Variants in FBXO10 observed in about 807,000 individuals in gnomAD.
FBXO10 encodes the protein F-box protein 10, also known as F-box only protein 10.
FBXO10 carries 39 observed loss-of-function variants against 80.7 expected under a neutral mutation model. The observed-to-expected ratio is 0.48, with a 90% CI of 0.37 to 0.63. The LOEUF is 0.63. Ranked by LOEUF, FBXO10 falls within the 30% of genes least tolerant of loss-of-function variation. FBXO10 has a pLI of 0.00. For missense variants in FBXO10, 1,025 were observed against 1,269.0 expected (o/e 0.81, Z 2.92); for synonymous variants, 449 against 489.6 (o/e 0.92, Z 1.09).
At chr9:37,556,274 C>A (rs1348517413) in intron 1 of FBXO10, among the ~76,000 whole-genome samples, 1 of 151,704 alleles carries the variant, frequency 6.6e-6, no homozygotes, top group Non-Finnish European at 1.5e-5. Flanking sequence ...AGTTTAAGAA[C>A]TTTTTACCTA....
intron 1 of FBXO10, among the ~76,000 whole-genome samples, chr9:37,565,994 C>T (rs552761978): frequency 3.3e-5 from 5 of 152,274 alleles, no homozygotes; most frequent in African/African-American, 1.2e-4. Flanking sequence ...TGAGAAAGGC[C>T]ACCTGTATTA....
At chr9:37,517,957 CT>C (rs138239587) in intron 9 of FBXO10, among the ~76,000 whole-genome samples, 167 bp downstream of exon 9, 12,511 of 152,272 alleles carry the variant, frequency 0.082, 679 homozygotes, top group East Asian at 0.15. Context: ...CCGTCCCCCC[CT>C]GTGGGAAGTC....
chr9:37,557,788 C>G (rs1563887170), intron 1 of FBXO10, among the ~76,000 whole-genome samples: 1 of 152,188 alleles, frequency 6.6e-6, no homozygotes, highest in Non-Finnish European at 1.5e-5. Flanking sequence ...ATCTATAATA[C>G]TTTTCTAGCT....
At position 37,529,240 on chromosome 9, in the gene FBXO10, G is replaced by A; in HGVS notation, c.1590C>T (p.Gly530=). The A allele has an allele frequency of 6.2e-7, 1 of 1,610,652 alleles. No individual in the cohort carries two copies. The highest frequency in any genetic ancestry group is 8.5e-7 in the Non-Finnish European group (1 of 1,178,402). The part of the protein sequence containing the change: ...PLILCNQIHH[G]LRSGIVVLGN... ...CAAGGACGACAATGCCAGAGCGAAGGCCATGGTGGATCTGGTTACACTGCA... is the reference window on the plus strand; with the variant it reads ...CAAGGACGACAATGCCAGAGCGAAGACCATGGTGGATCTGGTTACACTGCA... Residue 530 remains glycine (G), a synonymous_variant, in exon 5 of 11, where the codon GGC becomes GGT. Transcript: ENST00000432825.
At chr9:37,566,973 T>C (rs1278308777) in intron 1 of FBXO10, among the ~76,000 whole-genome samples, 1 of 152,094 alleles carries the variant, frequency 6.6e-6, no homozygotes, top group Non-Finnish European at 1.5e-5. Context: ...CACTGCCTGT[T>C]CATTTTGGTT....
At chr9:37,561,663 A>G (rs1822486842) in intron 1 of FBXO10, among the ~76,000 whole-genome samples, 1 of 152,246 alleles carries the variant, frequency 6.6e-6, no homozygotes, top group East Asian at 1.9e-4. Context: ...CATTTATTCA[A>G]CAAACATTCG....
At chr9:37,540,068 TG>T (rs1821871496) in intron 2 of FBXO10, among the ~76,000 whole-genome samples, 1 of 152,128 alleles carries the variant, frequency 6.6e-6, no homozygotes, top group Non-Finnish European at 1.5e-5. Flanking sequence ...CATGAGATAA[TG>T]GCTATAAGGC....
chr9:37,565,008 C>A (rs533318711), intron 1 of FBXO10, among the ~76,000 whole-genome samples: 39 of 152,258 alleles, frequency 2.6e-4, no homozygotes, highest in Non-Finnish European at 4.7e-4. Flanking sequence ...TCCCACAATC[C>A]CCATTTGTCA....
At chr9:37,548,008 G>C (rs2119147396) in intron 1 of FBXO10, among the ~76,000 whole-genome samples, 1 of 152,184 alleles carries the variant, frequency 6.6e-6, no homozygotes, top group African/African-American at 2.4e-5. Context: ...TTAACTGGAA[G>C]GGGTTACGAG....
At chr9:37,569,726 C>G (rs1215906434) in intron 1 of FBXO10, among the ~76,000 whole-genome samples, 1 of 152,122 alleles carries the variant, frequency 6.6e-6, no homozygotes, top group Non-Finnish European at 1.5e-5. Flanking sequence ...TTCCAGCTAC[C>G]TGGGGAGACT....
chr9:37,544,432 CATAA>C (rs1285406652), intron 1 of FBXO10, among the ~76,000 whole-genome samples: 4 of 151,976 alleles, frequency 2.6e-5, no homozygotes, highest in Admixed American at 6.6e-5. Context: ...GACCCTATCT[CATAA>C]ATAAATAAAG....
chr9:37,544,557 A>G (rs1468017279), intron 1 of FBXO10, among the ~76,000 whole-genome samples: 1 of 152,258 alleles, frequency 6.6e-6, no homozygotes, highest in Non-Finnish European at 1.5e-5. Flanking sequence ...CTAAGCCCCA[A>G]GAAGGCTAGG....
Position 37,518,330 on chromosome 9 carries a change from C to T in FBXO10, c.2309G>A (p.Arg770Gln), listed in dbSNP as rs778381633. 8.1e-6 allele frequency: 13 copies of T among 1,613,916 alleles called. No homozygotes were observed. In the South Asian group the frequency reaches 9.9e-5, roughly 12 times the overall value. The change falls in exon 9 of 11, where the codon CGA (arginine) becomes CAA (glutamine). Residue 770 changes from arginine (R) to glutamine (Q), a missense_variant. Physicochemically the swap from Arg to Gln is conservative, Grantham distance 43. Transcript: ENST00000432825. ...ITVAQSSQPT[R>Q]VANNSISCNR... ...GCAGGAGATGCTGTTGTTGGCCACT[C>T]GGGTGGGTTGGCTGCTCTGGGCCAC...
At chr9:37,542,168 G>A (rs569374170) in intron 1 of FBXO10, among the ~76,000 whole-genome samples, 2 of 152,218 alleles carry the variant, frequency 1.3e-5, no homozygotes, top group Admixed American at 1.3e-4. Context: ...CATCTCCTGA[G>A]CCCAAGGGTG....
Position 37,537,446 on chromosome 9 carries a change from G to A in FBXO10, c.1083C>T (p.Ser361=), listed in dbSNP as rs752265927. The change falls in exon 3 of 11, where the codon AGC becomes AGT. Residue 361 remains serine, a synonymous_variant. Coordinates refer to ENST00000432825, the MANE Select transcript of FBXO10 (RefSeq NM_012166.3). ...PDSSDGGLSP[S]GEDEDEDQLM... ...GCTGGTCCTCATCTTCATCCTCACC[G>A]CTGGGACTCAGGCCTCCATCGCTGC... 2.9e-5 allele frequency: 47 copies of A among 1,602,970 alleles called. No individual in the cohort carries two copies. Among genetic ancestry groups the A allele is most frequent in the East Asian group, 4.5e-5 (2 of 44,460 alleles).
At chr9:37,547,028 C>T (rs1375209246) in intron 1 of FBXO10, among the ~76,000 whole-genome samples, 1 of 152,150 alleles carries the variant, frequency 6.6e-6, no homozygotes, top group African/African-American at 2.4e-5. Context: ...CAGTTAAATG[C>T]ATACCTATCC....
In FBXO10 at chr9:37,576,287, G is replaced by C. The variant is rs1392156487; in HGVS notation, c.-83C>G. On this transcript the variant is annotated 5_prime_UTR_variant, in exon 1 of 11. Transcript: ENST00000432825. The stretch of plus-strand genomic sequence containing the variant: ...TGGAAGCCACCCGCCGCCCCCGCTG[G>C]AGCCGCAGCAGCCGGTAGGATTGCG... 1 of 152,210 alleles carries C rather than the reference G, an allele frequency of 6.6e-6. No homozygotes were observed. Among genetic ancestry groups the C allele is most frequent in the Admixed American group, 6.5e-5 (1 of 15,274 alleles). The allele number at this position is 152,210 out of a possible 1,614,324, so 9.4% of individuals were successfully genotyped here.
chr9:37,557,993 T>C (rs935535541), intron 1 of FBXO10, among the ~76,000 whole-genome samples: 5 of 152,344 alleles, frequency 3.3e-5, no homozygotes, highest in Non-Finnish European at 7.3e-5. Flanking sequence ...TTTTTAATCA[T>C]TGCTAAGAGC....
intron 8 of FBXO10, 63 bp downstream of exon 8, chr9:37,521,506 A>G (rs569059390): frequency 5.4e-5 from 73 of 1,364,468 alleles, no homozygotes; most frequent in South Asian, 2.7e-4. Flanking sequence ...TAAATTGGAG[A>G]AAAAAAAAGA....
Sources: allele counts gnomAD v4.1 joint callset (sites outside exome capture counted in the v4.1 genomes callset), GRCh38; gene constraint gnomAD v4.1.1; transcripts MANE v1.5; gene names NCBI Gene and HGNC (gene_info 2026-07-23, HGNC 2026-07-21).